The following STRN3 variants were observed in gnomAD, a reference collection of about 807,000 sequenced individuals.
STRN3 encodes striatin 3.
A neutral mutation model predicts 95.6 loss-of-function variants in STRN3; 29 were observed. The observed-to-expected ratio is 0.30, with a 90% confidence interval of 0.23 to 0.41. STRN3 has a LOEUF of 0.41. Ranked by LOEUF, STRN3 falls within the 10% of genes least tolerant of loss-of-function variation. The pLI is 1.00. For synonymous variants in STRN3, 331 were observed against 357.6 expected, an observed-to-expected ratio of 0.93 and a Z score of 0.84; for missense variants, 890 against 972.1, an observed-to-expected ratio of 0.92 and a Z score of 1.12.
chr14:30,937,633 A>G (rs1878887957), intron 5 of STRN3, among the ~76,000 whole-genome samples: 1 of 152,226 alleles, frequency 6.6e-6, no homozygotes, highest in African/African-American at 2.4e-5. Context: ...TCAGCTGAAC[A>G]AAGACTTTCA....
In STRN3 at chr14:30,927,370, A is replaced by T. The variant is rs565686828; in HGVS notation, c.1099+1831T>A. On this transcript the variant is annotated intron_variant, in intron 8 of 17. Transcript: ENST00000357479. ...TTTCTTAAACATACTTTTTTTAATTAAAAAAAAAATTTTAAGAAAAGTTTA... is the reference window on the plus strand; with the variant it reads ...TTTCTTAAACATACTTTTTTTAATTTAAAAAAAAATTTTAAGAAAAGTTTA... Among the ~76,000 whole-genome samples, 33 of 150,970 alleles carry T rather than the reference A, an allele frequency of 2.2e-4. No homozygotes were observed. The East Asian group carries it at 4.7e-3, about 21-fold the overall frequency.
rs74040939 is a variant in STRN3 at position 30,905,358 on chromosome 14, T to C, written c.2029+60A>G. 6.8e-4 allele frequency: 967 copies of C among 1,411,844 alleles called. 6 individuals carry two copies. The African/African-American group carries it at 0.013, about 19-fold the overall frequency. The allele number at this position is 1,411,844 out of a possible 1,614,324, so 87.5% of individuals were successfully genotyped here. On this transcript the variant is annotated intron_variant, in intron 15 of 17. Coordinates refer to ENST00000357479, the MANE Select transcript of STRN3 (RefSeq NM_001083893.2). ...GAAAATATGAAAATTAGCTAAAAGA[T>C]CACCCTCTATTGTGTAATAACCCTT...
chr14:30,984,390 C>A (rs10459469), intron 1 of STRN3, among the ~76,000 whole-genome samples: 3 of 149,210 alleles, frequency 2.0e-5, no homozygotes, highest in Non-Finnish European at 4.4e-5. Flanking sequence ...GGCAACAGAG[C>A]GAGACTCCAT....
intron 1 of STRN3, among the ~76,000 whole-genome samples, chr14:31,019,427 T>C (rs1594594348): frequency 6.6e-6 from 1 of 152,310 alleles, no homozygotes; most frequent in East Asian, 1.9e-4. Flanking sequence ...GACACGTTTG[T>C]GGGAGGTCAC....
chr14:30,937,276 G>A (rs1878870071), intron 5 of STRN3, among the ~76,000 whole-genome samples: 1 of 152,090 alleles, frequency 6.6e-6, no homozygotes, highest in African/African-American at 2.4e-5. Flanking sequence ...ACTATATACT[G>A]CATTCCAGCC....
intron 5 of STRN3, among the ~76,000 whole-genome samples, chr14:30,945,917 A>G (rs1476650661): frequency 6.6e-6 from 1 of 152,176 alleles, no homozygotes; most frequent in Non-Finnish European, 1.5e-5. Context: ...TTCTAAACTT[A>G]GATTGCGGTG....
At chr14:30,912,577 A>G (rs931022906) in intron 10 of STRN3, among the ~76,000 whole-genome samples, 2 of 152,218 alleles carry the variant, frequency 1.3e-5, no homozygotes, top group Non-Finnish European at 1.5e-5. Flanking sequence ...GTCATTTAGA[A>G]AACGTATTAG....
intron 3 of STRN3, among the ~76,000 whole-genome samples, chr14:30,954,487 C>G (rs187756992): frequency 1.7e-3 from 251 of 152,116 alleles, no homozygotes; most frequent in Non-Finnish European, 3.1e-3. Flanking sequence ...AATAATTTTA[C>G]AATATTTTGT....
chr14:30,908,678 C>A (rs1431462911), intron 13 of STRN3, among the ~76,000 whole-genome samples: 1 of 152,096 alleles, frequency 6.6e-6, no homozygotes, highest in South Asian at 2.1e-4. Context: ...GATTTCGCAC[C>A]CTCTCCTGCA....
rs1021745228 is a variant in STRN3, at chr14:30,925,881, C to T, written c.1099+3320G>A. On this transcript the variant is annotated intron_variant, in intron 8 of 17. Coordinates refer to ENST00000357479, the MANE Select transcript of STRN3 (RefSeq NM_001083893.2). The stretch of plus-strand genomic sequence containing the variant: ...AATTATTCTAACTTGTACAAAGCTA[C>T]GTAAGGAGAACATCAGAATAATAAC... 9.9e-5 allele frequency among the ~76,000 whole-genome samples: 15 copies of T among 151,870 alleles called. No homozygotes were observed. The South Asian group carries it at 1.2e-3, about 13-fold the overall frequency.
At chr14:30,934,440 T>C (rs1016235847) in intron 7 of STRN3, among the ~76,000 whole-genome samples, 4 of 152,174 alleles carry the variant, frequency 2.6e-5, no homozygotes, top group African/African-American at 9.7e-5. Context: ...CATGAATGTA[T>C]TTACTAGGAA....
chr14:30,955,178 T>C (rs550092249), intron 3 of STRN3, among the ~76,000 whole-genome samples: 41 of 152,292 alleles, frequency 2.7e-4, no homozygotes, highest in East Asian at 1.9e-4. Context: ...TTTATATGTA[T>C]GACAACAAAT....
At chr14:31,015,200 C>T (rs1883184714) in intron 1 of STRN3, among the ~76,000 whole-genome samples, 1 of 152,154 alleles carries the variant, frequency 6.6e-6, no homozygotes, top group Non-Finnish European at 1.5e-5. Context: ...AGTAGCCTTA[C>T]CAGGAAGGCT....
chr14:30,918,046 G>GT (rs1403307574), intron 9 of STRN3, among the ~76,000 whole-genome samples: 5 of 152,106 alleles, frequency 3.3e-5, no homozygotes, highest in Admixed American at 2.6e-4. Context: ...TGGAAAAAAT[G>GT]TTTAAGTAGT....
At chr14:30,901,704 AAAAC>A (rs895517870) in intron 16 of STRN3, among the ~76,000 whole-genome samples, 44 of 152,264 alleles carry the variant, frequency 2.9e-4, no homozygotes, top group Middle Eastern at 3.4e-3. Context: ...AAAGAGGCCC[AAAAC>A]AAACAAACAA....
intron 8 of STRN3, among the ~76,000 whole-genome samples, chr14:30,928,923 C>T (rs1878334770): frequency 2.0e-5 from 3 of 152,052 alleles, no homozygotes; most frequent in Non-Finnish European, 2.9e-5. Flanking sequence ...TATTCCAATG[C>T]CAATATTCCA....
Position 30,933,550 on chromosome 14 carries a change from T to C in STRN3, c.988+1613A>G, listed in dbSNP as rs1175449262. On this transcript the variant is annotated intron_variant, in intron 7 of 17. Transcript: ENST00000357479. ...GGAAAAAGATAAGGTATTTCCAACATTGAATGTCTGCACAGAGAAGCTAAA... is the reference window on the plus strand; with the variant it reads ...GGAAAAAGATAAGGTATTTCCAACACTGAATGTCTGCACAGAGAAGCTAAA... Among the ~76,000 whole-genome samples, 7 of 152,086 alleles carry C rather than the reference T, an allele frequency of 4.6e-5. No individual in the cohort carries two copies. In the South Asian group the frequency reaches 6.2e-4, roughly 13 times the overall value.
intron 8 of STRN3, among the ~76,000 whole-genome samples, chr14:30,923,262 G>A (rs1031116291): frequency 5.3e-5 from 8 of 152,178 alleles, no homozygotes; most frequent in Non-Finnish European, 1.0e-4. Flanking sequence ...GTATTTCCTG[G>A]TGACAACATG....
chr14:30,961,012 T>C (rs780094731), intron 1 of STRN3, among the ~76,000 whole-genome samples: 1 of 151,810 alleles, frequency 6.6e-6, no homozygotes, highest in Non-Finnish European at 1.5e-5. Flanking sequence ...ATATAACAAG[T>C]ATCATCACAA....
Sources: allele counts gnomAD v4.1 joint callset (sites outside exome capture counted in the v4.1 genomes callset), GRCh38; gene constraint gnomAD v4.1.1; transcripts MANE v1.5; gene names NCBI Gene and HGNC (gene_info 2026-07-23, HGNC 2026-07-21).